The following NTN1 variants were observed in gnomAD, a reference collection of about 807,000 sequenced individuals.
NTN1 encodes the protein netrin-1.
A neutral mutation model predicts 54.2 loss-of-function variants in NTN1; 11 were observed. That is an observed-to-expected ratio of 0.20 (90% CI 0.13 to 0.34). The LOEUF (loss-of-function observed/expected upper bound fraction) is 0.34. NTN1 is among the 10% of genes least tolerant of loss of function. The pLI, the probability that NTN1 is intolerant of heterozygous loss-of-function variation, is 1.00. For missense variants in NTN1, 740 were observed against 893.1 expected (o/e 0.83, Z 2.18); for synonymous variants, 371 against 382.0 (o/e 0.97, Z 0.33).
intron 4 of NTN1, among the ~76,000 whole-genome samples, chr17:9,180,254 G>A (rs376756603): frequency 6.6e-6 from 1 of 152,242 alleles, no homozygotes; most frequent in African/African-American, 2.4e-5. Flanking sequence ...GGCCAGGCTG[G>A]TCTTGAACTC....
chr17:9,138,536 C>T (rs530316447), intron 2 of NTN1, among the ~76,000 whole-genome samples: 4 of 152,262 alleles, frequency 2.6e-5, no homozygotes, highest in South Asian at 2.1e-4. Context: ...AAGTGCCCTG[C>T]GTGGATGGGA....
At chr17:9,016,125 GC>G in the NTN1 span, among the ~76,000 whole-genome samples, 2 of 151,902 alleles carry the variant, frequency 1.3e-5, no homozygotes, top group South Asian at 4.2e-4. Flanking sequence ...TTCCTTTAAG[GC>G]CAGAACCACA....
In NTN1 at chr17:9,212,802, C is replaced by T. The variant is rs933633351; in HGVS notation, c.1412-8366C>T. ...AGCAGAGCGGCAGAGGTGTTGCGAG[C>T]GAGTGGGCCAGGGCTGCTGAGAGCG... On this transcript the variant is annotated intron_variant, in intron 5 of 6. Coordinates refer to ENST00000173229, the MANE Select transcript of NTN1 (RefSeq NM_004822.3). This position sits in a 1 kb window ranked among gnomAD's most constrained non-coding sequence, Gnocchi z 5.5. 2.0e-5 allele frequency among the ~76,000 whole-genome samples: 3 copies of T among 152,340 alleles called. No individual in the cohort carries two copies. Among genetic ancestry groups the T allele is most frequent in the East Asian group, 3.9e-4 (2 of 5,182 alleles).
intron 5 of NTN1, among the ~76,000 whole-genome samples, chr17:9,196,682 C>A (rs958180837): frequency 6.6e-6 from 1 of 152,250 alleles, no homozygotes; most frequent in Admixed American, 6.5e-5. Flanking sequence ...CCCCATTCCC[C>A]CCTCCAGAGA....
At chr17:9,004,906 T>C in the NTN1 span, among the ~76,000 whole-genome samples, 1 of 152,196 alleles carries the variant, frequency 6.6e-6, no homozygotes, top group African/African-American at 2.4e-5. Flanking sequence ...AATGGCCAGA[T>C]GCGTGTCCCA....
intron 5 of NTN1, among the ~76,000 whole-genome samples, chr17:9,220,787 G>A (rs556108227): frequency 2.6e-5 from 4 of 152,206 alleles, no homozygotes; most frequent in East Asian, 1.9e-4. Flanking sequence ...GACCCAGGGC[G>A]CGGGGTGACA....
chr17:9,126,342 C>T (rs989524046), intron 2 of NTN1, among the ~76,000 whole-genome samples: 26 of 152,184 alleles, frequency 1.7e-4, no homozygotes, highest in African/African-American at 6.3e-4. Context: ...AACCCTGTCT[C>T]TACAAAAAAT....
Position 9,221,064 on chromosome 17 carries a change from A to AAAT in NTN1, c.1412-104_1412-103insAAT. Reference sequence around the variant, plus strand: ...GCCCGGCCTGGCCCATGGGTATCACAGGCCTCTGGCTATTTAGGGAGGCGG... The same window carrying AAAT: ...GCCCGGCCTGGCCCATGGGTATCACAAATGGCCTCTGGCTATTTAGGGAGGCGG... On this transcript the variant is annotated intron_variant, in intron 5 of 6. Transcript: ENST00000173229. This position sits in a 1 kb window ranked among gnomAD's most constrained non-coding sequence, Gnocchi z 4.5. 1 of 861,724 alleles carries AAAT rather than the reference A, an allele frequency of 1.2e-6. No homozygotes were observed. Among genetic ancestry groups the AAAT allele is most frequent in the South Asian group, 1.4e-5 (1 of 72,636 alleles). 53.4% of individuals were successfully genotyped at this position (861,724 alleles called of 1,614,324 possible).
intron 2 of NTN1, among the ~76,000 whole-genome samples, chr17:9,102,328 A>ACG (rs1284193411): frequency 3.2e-4 from 22 of 68,210 alleles, no homozygotes; most frequent in African/African-American, 9.9e-4. Context: ...GGGAGCAAAC[A>ACG]TGTCCTTCAC....
the NTN1 span, among the ~76,000 whole-genome samples, chr17:9,004,806 G>A: frequency 0.071 from 10,751 of 152,294 alleles, 1,222 homozygotes; most frequent in African/African-American, 0.24. Flanking sequence ...CCTGCCACTG[G>A]GAGAAGAGAA....
chr17:9,006,020 G>C, the NTN1 span, among the ~76,000 whole-genome samples: 10 of 152,234 alleles, frequency 6.6e-5, no homozygotes, highest in African/African-American at 2.4e-4. Context: ...ACCCATGCCA[G>C]CAATAACCCA....
intron 5 of NTN1, among the ~76,000 whole-genome samples, chr17:9,218,401 T>G (rs1451689495): frequency 6.6e-6 from 1 of 152,144 alleles, no homozygotes; most frequent in Non-Finnish European, 1.5e-5. Flanking sequence ...TTCGTGAGAG[T>G]AGCTGCCATT....
the NTN1 span, among the ~76,000 whole-genome samples, chr17:9,009,252 C>T: frequency 1.3e-5 from 2 of 152,164 alleles, no homozygotes; most frequent in Admixed American, 6.5e-5. Context: ...TCCTCTTGGG[C>T]CTGCATCACC....
rs535234174 is a variant in NTN1 at position 9,196,449 on chromosome 17, ACTGTCCCCAGC to A, written c.1411+13482_1411+13492del. 3.2e-4 allele frequency among the ~76,000 whole-genome samples: 49 copies of A among 152,196 alleles called. No individual in the cohort carries two copies. The South Asian group carries it at 1.0e-2, about 31-fold the overall frequency. ...CTGTGGCTGTCGTGATTATGCTCAG[ACTGTCCCCAGC>A]CCCACCTCCTGCTGAGCAGGATTTT... On this transcript the variant is annotated intron_variant, in intron 5 of 6. Transcript: ENST00000173229.
chr17:9,049,798 A>G (rs2091953872), intron 2 of NTN1, among the ~76,000 whole-genome samples: 1 of 152,176 alleles, frequency 6.6e-6, no homozygotes, highest in Non-Finnish European at 1.5e-5. Context: ...AGATTAGGTA[A>G]TAGTATTGCA....
chr17:9,118,103 C>T (rs1026674012), intron 2 of NTN1, among the ~76,000 whole-genome samples: 5 of 152,198 alleles, frequency 3.3e-5, no homozygotes, highest in Admixed American at 1.3e-4. Context: ...GCCTCAGTTT[C>T]GTCACCTGTA....
At chr17:9,217,572 G>A (rs1032108554) in intron 5 of NTN1, among the ~76,000 whole-genome samples, 1 of 152,164 alleles carries the variant, frequency 6.6e-6, no homozygotes, top group Admixed American at 6.5e-5. Context: ...TTCCTTATTC[G>A]GGGGCCATTG....
At chr17:9,175,621 GAGAA>G (rs1238846757) in intron 3 of NTN1, 1 of 152,250 alleles carries the variant, frequency 6.6e-6, no homozygotes, top group Non-Finnish European at 1.5e-5. Flanking sequence ...GGTCCAGAGA[GAGAA>G]AGGCACTAAC....
At chr17:9,180,146 C>G (rs1166870027) in intron 4 of NTN1, among the ~76,000 whole-genome samples, 190 bp downstream of exon 4, 1 of 152,232 alleles carries the variant, frequency 6.6e-6, no homozygotes, top group Non-Finnish European at 1.5e-5. Flanking sequence ...TTAAGTGATT[C>G]TCCTGCCTCA....
Sources: allele counts gnomAD v4.1 joint callset (sites outside exome capture counted in the v4.1 genomes callset), GRCh38; gene constraint gnomAD v4.1.1; non-coding constraint Gnocchi (gnomAD v3.1); transcripts MANE v1.5; gene names NCBI Gene and HGNC (gene_info 2026-07-23, HGNC 2026-07-21).